The following CADM1 variants were observed in gnomAD, a reference collection of about 807,000 sequenced individuals.
CADM1 encodes cell adhesion molecule 1, also known as TSLC-1.
In CADM1, 15 loss-of-function variants were observed where a neutral mutation model predicts 53.1. The ratio of observed to expected loss-of-function variants is 0.28; its 90% CI spans 0.19 to 0.44. The LOEUF (loss-of-function observed/expected upper bound fraction) is 0.44. Ranked by LOEUF, CADM1 falls within the 20% of genes least tolerant of loss-of-function variation. The pLI is 1.00. For synonymous variants in CADM1, 281 were observed against 243.0 expected (o/e 1.16, Z -1.45); for missense variants, 434 against 611.3 (o/e 0.71, Z 3.06).
rs187050548 is a variant in CADM1, at chr11:115,273,336, A to C, written c.125-32916T>G. On this transcript the variant is annotated intron_variant, in intron 1 of 11. Coordinates refer to ENST00000331581, the MANE Select transcript of CADM1 (RefSeq NM_001301043.2). Reference sequence around the variant, plus strand: ...GGTTTATTTTTTTTCCATCATATTAAATTCAGAAACATCTCTTAAATGTTC... The same window carrying C: ...GGTTTATTTTTTTTCCATCATATTACATTCAGAAACATCTCTTAAATGTTC... Among the ~76,000 whole-genome samples, 422 of 152,300 alleles carry C rather than the reference A, an allele frequency of 2.8e-3. 2 individuals carry two copies. Among genetic ancestry groups the C allele is most frequent in the African/African-American group, 9.0e-3 (373 of 41,576 alleles).
At chr11:115,469,613 T>G (rs1948967030) in intron 1 of CADM1, among the ~76,000 whole-genome samples, 1 of 151,652 alleles carries the variant, frequency 6.6e-6, no homozygotes, top group South Asian at 2.1e-4. Flanking sequence ...TTTATTCTTT[T>G]CCTAATCATG....
chr11:115,418,368 A>C (rs1222600291), intron 1 of CADM1, among the ~76,000 whole-genome samples: 1 of 152,194 alleles, frequency 6.6e-6, no homozygotes, highest in Non-Finnish European at 1.5e-5. Context: ...TTTACAGTCA[A>C]GATGGCTATA....
At position 115,174,560 on chromosome 11, in the gene CADM1, T is replaced by C. The variant is rs1266357100; in HGVS notation, c.*1914A>G. Reference sequence around the variant, plus strand: ...CCAGTCCGTTCCCAAAAGGCCCCCATATTGCAATGGTTCTATCAAAGGTTA... The same window carrying C: ...CCAGTCCGTTCCCAAAAGGCCCCCACATTGCAATGGTTCTATCAAAGGTTA... On this transcript the variant is annotated 3_prime_UTR_variant, in exon 12 of 12. Transcript: ENST00000331581. 2 of 985,300 alleles carry C rather than the reference T, an allele frequency of 2.0e-6. No homozygotes were observed. Among genetic ancestry groups the C allele is most frequent in the African/African-American group, 1.7e-5 (1 of 57,182 alleles). 61.0% of individuals were successfully genotyped at this position (985,300 alleles called of 1,614,324 possible). A position where few individuals can be genotyped will look rare whatever the true frequency, so the allele number is the denominator to read the frequency against.
chr11:115,465,988 T>A (rs1281356405), intron 1 of CADM1, among the ~76,000 whole-genome samples: 1 of 152,168 alleles, frequency 6.6e-6, no homozygotes, highest in African/African-American at 2.4e-5. Flanking sequence ...ATTCAACCCA[T>A]AATGGATTAT....
intron 1 of CADM1, among the ~76,000 whole-genome samples, chr11:115,447,343 T>C (rs1948472901): frequency 6.6e-6 from 1 of 152,114 alleles, no homozygotes; most frequent in Admixed American, 6.6e-5. Flanking sequence ...TAAAGAAATC[T>C]TTTCACCTGT....
At chr11:115,436,844 T>A (rs372256668) in intron 1 of CADM1, among the ~76,000 whole-genome samples, 1 of 152,144 alleles carries the variant, frequency 6.6e-6, no homozygotes, top group African/African-American at 2.4e-5. Context: ...TTAATTTTTG[T>A]TGAAAAAAGG....
At chr11:115,206,758 C>CCTTTTTTTTTTTTT (rs1940705764) in intron 8 of CADM1, among the ~76,000 whole-genome samples, 1 of 38,206 alleles carries the variant, frequency 2.6e-5, no homozygotes, top group African/African-American at 9.7e-5. Flanking sequence ...CTGTGGACTT[C>CCTTTTTTTTTTTTT]TTTTTTTTTT....
intron 1 of CADM1, among the ~76,000 whole-genome samples, chr11:115,433,052 G>A (rs531505139): frequency 6.6e-6 from 1 of 152,146 alleles, no homozygotes; most frequent in Admixed American, 6.5e-5. Context: ...TTTAATAGAT[G>A]TGTAAGTCAC....
In CADM1 at chr11:115,170,747, G is replaced by C. The variant is rs1565274018; in HGVS notation, c.*5727C>G. 1 of 152,132 alleles carries C rather than the reference G, an allele frequency of 6.6e-6. No individual in the cohort carries two copies. The highest frequency in any genetic ancestry group is 1.5e-5 in the Non-Finnish European group (1 of 68,036). The allele number at this position is 152,132 out of a possible 1,614,324, so 9.4% of individuals were successfully genotyped here. A position where few individuals can be genotyped will look rare whatever the true frequency, so the allele number is the denominator to read the frequency against. ...TGAAGGCCCCTCACAATATATGATA[G>C]CAATACTAAGGCTTTGCTTGGCCAT... On this transcript the variant is annotated 3_prime_UTR_variant, in exon 12 of 12. Transcript: ENST00000331581.
intron 1 of CADM1, among the ~76,000 whole-genome samples, chr11:115,490,543 C>T (rs1473128976): frequency 5.9e-5 from 9 of 151,790 alleles, no homozygotes; most frequent in South Asian, 2.1e-4. Context: ...GGACTACAGG[C>T]GCCTACCACC....
chr11:115,503,937 G>C (rs1332822309), intron 1 of CADM1, among the ~76,000 whole-genome samples: 1 of 152,090 alleles, frequency 6.6e-6, no homozygotes, highest in Non-Finnish European at 1.5e-5. Flanking sequence ...AAGGGTTGAG[G>C]TTGTCTTTGA....
intron 1 of CADM1, among the ~76,000 whole-genome samples, chr11:115,334,429 C>T (rs923824589): frequency 6.6e-6 from 1 of 151,118 alleles, no homozygotes; most frequent in African/African-American, 2.5e-5. Flanking sequence ...TTACCCTGGG[C>T]CAATGGGGGT....
intron 1 of CADM1, among the ~76,000 whole-genome samples, chr11:115,420,006 C>T (rs1028986370): frequency 6.6e-6 from 1 of 152,156 alleles, no homozygotes; most frequent in African/African-American, 2.4e-5. Flanking sequence ...TAACTTGAGA[C>T]ACATGTGAGA....
chr11:115,176,662 A>G (rs1939044284), intron 11 of CADM1, 70 bp from the exon 12 acceptor site: 2 of 1,301,732 alleles, frequency 1.5e-6, no homozygotes, highest in Non-Finnish European at 2.2e-6. Flanking sequence ...AGAGATGGCA[A>G]CTTGCTTTAT....
At chr11:115,241,588 G>T (rs12421121) in intron 1 of CADM1, among the ~76,000 whole-genome samples, 1 of 152,018 alleles carries the variant, frequency 6.6e-6, no homozygotes, top group Admixed American at 6.6e-5. Flanking sequence ...AGGGCTGATG[G>T]GGGGATGAAA....
chr11:115,294,016 T>C (rs781170480), intron 1 of CADM1, among the ~76,000 whole-genome samples: 8 of 152,306 alleles, frequency 5.3e-5, no homozygotes, highest in East Asian at 1.9e-4. Context: ...GAATCAGATA[T>C]TGAGATTCAT....
chr11:115,301,059 C>A (rs45505692), intron 1 of CADM1, among the ~76,000 whole-genome samples: 2,198 of 152,122 alleles, frequency 0.014, 42 homozygotes, highest in African/African-American at 0.049. Flanking sequence ...GGGATTTACA[C>A]TGAGTGAGGG....
At chr11:115,340,654 A>AT (rs1370287141) in intron 1 of CADM1, among the ~76,000 whole-genome samples, 42 of 52,618 alleles carry the variant, frequency 8.0e-4, no homozygotes, top group South Asian at 1.7e-3. Flanking sequence ...ATATATATAT[A>AT]TATATTTTTT....
chr11:115,391,995 A>G (rs1946846964), intron 1 of CADM1, among the ~76,000 whole-genome samples: 1 of 152,160 alleles, frequency 6.6e-6, no homozygotes. Context: ...CACACTAACA[A>G]TATCACCACA....
Sources: allele counts gnomAD v4.1 joint callset (sites outside exome capture counted in the v4.1 genomes callset), GRCh38; gene constraint gnomAD v4.1.1; transcripts MANE v1.5; gene names NCBI Gene and HGNC (gene_info 2026-07-23, HGNC 2026-07-21).